KALRN: variants seen among roughly 807,000 people sequenced by gnomAD.
The protein encoded by KALRN is kalirin RhoGEF kinase.
KALRN carries 70 observed loss-of-function variants against 353.7 expected under a neutral mutation model. The observed-to-expected ratio is 0.20, with a 90% CI of 0.16 to 0.24. The LOEUF (loss-of-function observed/expected upper bound fraction) is 0.24, where lower values mean the gene tolerates loss of function less well. Among genes scored for constraint, KALRN ranks in the 10% least tolerant of loss-of-function variants. KALRN has a pLI of 1.00. For missense variants in KALRN, 2,791 were observed against 3,756.7 expected (o/e 0.74, Z 6.72); for synonymous variants, 1,391 against 1,434.8 (o/e 0.97, Z 0.69).
intron 48 of KALRN, among the ~76,000 whole-genome samples, chr3:124,673,311 G>A (rs2086709756): frequency 6.6e-6 from 1 of 151,996 alleles, no homozygotes; most frequent in Non-Finnish European, 1.5e-5. Flanking sequence ...ACTTGAGCCT[G>A]GGAAGTCGAG....
chr3:124,481,458 C>T (rs1029472395), intron 27 of KALRN, among the ~76,000 whole-genome samples: 2 of 152,182 alleles, frequency 1.3e-5, no homozygotes, highest in Admixed American at 6.5e-5. Context: ...CCTCCCGCCT[C>T]GGCCTCCCAA....
chr3:124,192,412 G>A (rs2075020557), intron 1 of KALRN, among the ~76,000 whole-genome samples: 1 of 152,076 alleles, frequency 6.6e-6, no homozygotes, highest in Non-Finnish European at 1.5e-5. Flanking sequence ...CGGGGAGGTG[G>A]GAATGGTTAA....
intron 37 of KALRN, among the ~76,000 whole-genome samples, chr3:124,642,806 G>GTTTTTTTGTTGTTGTTT (rs1553707032): frequency 1.0e-5 from 1 of 96,840 alleles, no homozygotes; most frequent in Admixed American, 1.3e-4. Flanking sequence ...CCCAAGCCTC[G>GTTTTTTTGTTGTTGTTT]TTTTTTTTTT....
chr3:124,537,352 T>G (rs550437363), intron 33 of KALRN, among the ~76,000 whole-genome samples: 1 of 152,260 alleles, frequency 6.6e-6, no homozygotes, highest in African/African-American at 2.4e-5. Flanking sequence ...AAGAGAAATT[T>G]TTTAAAACCA....
chr3:124,369,389 T>C (rs2085505998), intron 10 of KALRN, among the ~76,000 whole-genome samples: 1 of 152,202 alleles, frequency 6.6e-6, no homozygotes, highest in South Asian at 2.1e-4. Flanking sequence ...ATTCCTCCAC[T>C]CCCACTTTCC....
At chr3:124,235,005 G>A (rs775341187) in intron 3 of KALRN, 62 bp downstream of exon 3, 10 of 1,205,268 alleles carry the variant, frequency 8.3e-6, no homozygotes, top group Middle Eastern at 1.9e-4. Context: ...TGCCAGTTTT[G>A]GAAGGAGCCT....
At chr3:124,152,658 A>G (rs943955489) in intron 1 of KALRN, 92 of 571,868 alleles carry the variant, frequency 1.6e-4, no homozygotes, top group East Asian at 7.2e-4. Context: ...CAGTGGTGCA[A>G]TCGAGGCTCA....
chr3:124,487,722 C>T (rs1263127992), intron 28 of KALRN, among the ~76,000 whole-genome samples: 1 of 152,190 alleles, frequency 6.6e-6, no homozygotes, highest in Non-Finnish European at 1.5e-5. Context: ...TGGAAGTCAG[C>T]ATTCAGGCTG....
intron 9 of KALRN, among the ~76,000 whole-genome samples, chr3:124,336,713 G>A (rs2081169270): frequency 6.6e-6 from 1 of 152,174 alleles, no homozygotes; most frequent in East Asian, 1.9e-4. Flanking sequence ...TTTCAAAAAT[G>A]AGAGCCTTTC....
chr3:124,071,403 C>T (rs1307519264), intron 1 of KALRN, among the ~76,000 whole-genome samples: 1 of 152,200 alleles, frequency 6.6e-6, no homozygotes, highest in African/African-American at 2.4e-5. Flanking sequence ...AAACGAAGAT[C>T]TCACCTAAGG....
At chr3:124,605,069 G>A (rs895745571) in intron 34 of KALRN, among the ~76,000 whole-genome samples, 2 of 151,824 alleles carry the variant, frequency 1.3e-5, no homozygotes, top group African/African-American at 4.8e-5. Flanking sequence ...AGGCTGAGGT[G>A]GGAAGATCAC....
intron 33 of KALRN, among the ~76,000 whole-genome samples, chr3:124,543,556 C>T (rs2069291982): frequency 6.6e-6 from 1 of 152,148 alleles, no homozygotes; most frequent in Non-Finnish European, 1.5e-5. Flanking sequence ...CCACCTCGGC[C>T]TCCCAAAGTG....
At chr3:124,699,774 A>T in intron 55 of KALRN, 95 bp from the exon 56 acceptor site, 1 of 1,171,480 alleles carries the variant, frequency 8.5e-7, no homozygotes, top group Non-Finnish European at 1.2e-6. Flanking sequence ...CCTTGAATTG[A>T]ATGTGTCTAT....
At chr3:124,606,622 CATT>C (rs2077375079) in intron 34 of KALRN, among the ~76,000 whole-genome samples, 2 of 152,066 alleles carry the variant, frequency 1.3e-5, no homozygotes, top group Non-Finnish European at 2.9e-5. Context: ...CCACAGATCT[CATT>C]ATACATAAAA....
rs1209598760 is a variant in KALRN, at chr3:124,033,911, T to C, written c.73+98T>C. 6.6e-6 allele frequency among the ~76,000 whole-genome samples: 1 copy of C among 152,102 alleles called. No individual in the cohort carries two copies. The highest frequency in any genetic ancestry group is 1.5e-5 in the Non-Finnish European group (1 of 68,002). On this transcript the variant is annotated intron_variant, in intron 1 of 59. Transcript: ENST00000682506. This position sits in a 1 kb window ranked among gnomAD's most constrained non-coding sequence, Gnocchi z 6.2. ...GGGAAGGAGGGCTGTTGCTGCCGCGTGCGTGTTGGGGGGCAGTGCCCCCTC... is the reference window on the plus strand; with the variant it reads ...GGGAAGGAGGGCTGTTGCTGCCGCGCGCGTGTTGGGGGGCAGTGCCCCCTC...
chr3:124,121,300 C>T (rs1253031833), intron 1 of KALRN, among the ~76,000 whole-genome samples: 2 of 152,094 alleles, frequency 1.3e-5, no homozygotes, highest in African/African-American at 4.8e-5. Flanking sequence ...TCTCCAGAAT[C>T]TAGCACAATG....
intron 21 of KALRN, among the ~76,000 whole-genome samples, chr3:124,448,993 T>C (rs984090111): frequency 8.5e-5 from 13 of 152,214 alleles, no homozygotes. Context: ...ACTATCATGT[T>C]CCAAATCTCA....
At chr3:124,102,880 A>T (rs2061991888) in intron 1 of KALRN, among the ~76,000 whole-genome samples, 1 of 152,244 alleles carries the variant, frequency 6.6e-6, no homozygotes, top group Non-Finnish European at 1.5e-5. Context: ...TAATTATTTG[A>T]TAATTCCAAA....
At chr3:124,227,911 G>C in intron 1 of KALRN, 79 bp from the exon 2 acceptor site, 6 of 1,116,350 alleles carry the variant, frequency 5.4e-6, no homozygotes, top group South Asian at 4.9e-5. Context: ...TGATGGGATT[G>C]GGAGACTGAG....
Sources: allele counts gnomAD v4.1 joint callset (sites outside exome capture counted in the v4.1 genomes callset), GRCh38; gene constraint gnomAD v4.1.1; non-coding constraint Gnocchi (gnomAD v3.1); transcripts MANE v1.5; gene names NCBI Gene and HGNC (gene_info 2026-07-23, HGNC 2026-07-21).